Variants in DCLK1 observed in about 807,000 individuals in gnomAD.
DCLK1 encodes doublecortin like kinase 1, also known as serine/threonine-protein kinase DCLK1.
A neutral mutation model predicts 86.2 loss-of-function variants in DCLK1; 16 were observed. That is an observed-to-expected ratio of 0.19 (90% CI 0.13 to 0.28). The LOEUF (loss-of-function observed/expected upper bound fraction) is 0.28, where lower values mean the gene tolerates loss of function less well. Among genes scored for constraint, DCLK1 ranks in the 10% least tolerant of loss-of-function variants. The pLI is 1.00. For missense variants in DCLK1, 590 were observed against 940.2 expected, an observed-to-expected ratio of 0.63 and a Z score of 4.87; for synonymous variants, 369 against 370.5, an observed-to-expected ratio of 1.00 and a Z score of 0.05.
intron 3 of DCLK1, among the ~76,000 whole-genome samples, chr13:36,068,732 G>A (rs1883858049): frequency 6.6e-6 from 1 of 151,966 alleles, no homozygotes; most frequent in African/African-American, 2.4e-5. Context: ...ATAAACTTCT[G>A]GATTGCTTTA....
chr13:35,941,169 T>C (rs1478927257), intron 4 of DCLK1, among the ~76,000 whole-genome samples: 4 of 152,246 alleles, frequency 2.6e-5, no homozygotes, highest in African/African-American at 9.6e-5. Flanking sequence ...TCCATTAGGT[T>C]GGTGCAAAAG....
intron 3 of DCLK1, among the ~76,000 whole-genome samples, chr13:36,021,492 T>C (rs1204053873): frequency 6.6e-6 from 1 of 152,026 alleles, no homozygotes; most frequent in Admixed American, 6.6e-5. Context: ...AAATACATGC[T>C]ATCTACAAAA....
At chr13:35,983,146 G>A (rs1243308846) in intron 3 of DCLK1, among the ~76,000 whole-genome samples, 1 of 151,866 alleles carries the variant, frequency 6.6e-6, no homozygotes, top group Non-Finnish European at 1.5e-5. Flanking sequence ...TTATTTTAGA[G>A]ACAGGGTCTC....
At position 36,111,952 on chromosome 13, in the gene DCLK1, CA is replaced by C; in HGVS notation, c.639del (p.Phe213LeufsTer19). 6.2e-7 allele frequency: 1 copy of C among 1,614,206 alleles called. No homozygotes were observed. The highest frequency in any genetic ancestry group is 8.5e-7 in the Non-Finnish European group (1 of 1,180,052). ...ILLNKKTAHS[F>X]EQVLTDITDA... ...TCGGTGATATCGGTGAGGACCTGCT[CA>C]AAGGAATGAGCCGTTTTCTTGTTCA... On this transcript the variant is annotated frameshift_variant, in exon 3 of 17. Transcript: ENST00000360631. LOFTEE classifies it high-confidence loss of function.
intron 6 of DCLK1, among the ~76,000 whole-genome samples, chr13:35,853,397 C>A (rs1247591700): frequency 6.6e-6 from 1 of 152,160 alleles, no homozygotes; most frequent in Non-Finnish European, 1.5e-5. Flanking sequence ...CAAGTTCCAC[C>A]TGATGCCAGG....
chr13:35,937,135 AT>A (rs199906031), intron 4 of DCLK1, among the ~76,000 whole-genome samples: 53 of 144,430 alleles, frequency 3.7e-4, no homozygotes, highest in South Asian at 9.0e-4. Flanking sequence ...ATGTCCGGCT[AT>A]TTTTTTTTTT....
chr13:35,989,939 C>T (rs774829270), intron 3 of DCLK1, among the ~76,000 whole-genome samples: 6 of 152,092 alleles, frequency 3.9e-5, no homozygotes, highest in Non-Finnish European at 7.4e-5. Flanking sequence ...ATGTGATAAA[C>T]TAAGAGTTGG....
chr13:36,104,327 T>C (rs911599648), intron 3 of DCLK1, among the ~76,000 whole-genome samples: 1 of 152,190 alleles, frequency 6.6e-6, no homozygotes, highest in African/African-American at 2.4e-5. Context: ...GGTCAAGCTC[T>C]GGAGACTCAA....
intron 2 of DCLK1, among the ~76,000 whole-genome samples, chr13:36,124,769 A>C (rs1000051625): frequency 6.6e-6 from 1 of 152,166 alleles, no homozygotes; most frequent in African/African-American, 2.4e-5. Context: ...CACTCCATCC[A>C]ACCTCCCTTT....
chr13:35,946,775 C>G (rs543389513), intron 4 of DCLK1, among the ~76,000 whole-genome samples: 1 of 152,202 alleles, frequency 6.6e-6, no homozygotes, highest in Admixed American at 6.5e-5. Flanking sequence ...CAACATTTCA[C>G]ATTCATTTCC....
intron 3 of DCLK1, among the ~76,000 whole-genome samples, chr13:36,047,718 C>A (rs945576726): frequency 6.6e-6 from 1 of 151,704 alleles, no homozygotes; most frequent in Admixed American, 6.6e-5. Flanking sequence ...TTAAAAGATA[C>A]AAAATTTCAG....
At chr13:35,796,479 CAA>C (rs1566536703) in intron 15 of DCLK1, among the ~76,000 whole-genome samples, 2 of 152,150 alleles carry the variant, frequency 1.3e-5, no homozygotes, top group Non-Finnish European at 2.9e-5. Context: ...AAAGATGAAA[CAA>C]AGAGGGAACG....
chr13:35,822,322 TA>T (rs113385223), intron 11 of DCLK1, among the ~76,000 whole-genome samples: 2 of 145,578 alleles, frequency 1.4e-5, no homozygotes, highest in Non-Finnish European at 3.0e-5. Flanking sequence ...TCCGGCTAAT[TA>T]AAAAAAATTT....
Position 36,122,358 on chromosome 13 carries a change from G to T in DCLK1, c.376+3404C>A, listed in dbSNP as rs77805806. 5.5e-3 allele frequency among the ~76,000 whole-genome samples: 842 copies of T among 152,256 alleles called. 9 individuals are homozygous for T. Among genetic ancestry groups the T allele is most frequent in the African/African-American group, 0.02 (812 of 41,558 alleles). ...AGAAGAGGGACTCATCTCTAATAGCGCAGATCTGATGAACAAATTCACTTA... is the reference window on the plus strand; with the variant it reads ...AGAAGAGGGACTCATCTCTAATAGCTCAGATCTGATGAACAAATTCACTTA... On this transcript the variant is annotated intron_variant, in intron 2 of 16. Coordinates refer to ENST00000360631, the MANE Select transcript of DCLK1 (RefSeq NM_001330071.2).
At chr13:35,987,470 T>C (rs1319985897) in intron 3 of DCLK1, among the ~76,000 whole-genome samples, 1 of 152,118 alleles carries the variant, frequency 6.6e-6, no homozygotes, top group African/African-American at 2.4e-5. Context: ...TTCACACGTA[T>C]TGTCTCATTT....
intron 1 of DCLK1, among the ~76,000 whole-genome samples, chr13:36,130,737 G>A (rs1484354732): frequency 6.6e-6 from 1 of 151,530 alleles, no homozygotes; most frequent in African/African-American, 2.4e-5. Flanking sequence ...TCCTTCCTTG[G>A]TTCCCGCTCC....
chr13:36,001,544 C>T (rs529969069), intron 3 of DCLK1, among the ~76,000 whole-genome samples: 1 of 152,186 alleles, frequency 6.6e-6, no homozygotes, highest in South Asian at 2.1e-4. Flanking sequence ...GCTAGGACTC[C>T]TTTAGCATGG....
chr13:36,092,489 T>C (rs935596203), intron 3 of DCLK1, among the ~76,000 whole-genome samples: 87 of 141,464 alleles, frequency 6.1e-4, no homozygotes, highest in African/African-American at 9.1e-4. Flanking sequence ...TTTTCTTTTT[T>C]TTTTTTTTTT....
intron 6 of DCLK1, among the ~76,000 whole-genome samples, chr13:35,840,913 C>G (rs977392266): frequency 6.6e-6 from 1 of 152,102 alleles, no homozygotes; most frequent in African/African-American, 2.4e-5. Context: ...TGTCAATAAC[C>G]GAAGAAAATA....
Sources: gnomAD v4.1 joint callset for allele counts (sites outside exome capture counted in the v4.1 genomes callset) on GRCh38, gnomAD v4.1.1 for gene constraint, MANE v1.5 for transcripts, NCBI Gene and HGNC (gene_info 2026-07-23, HGNC 2026-07-21) for gene names.